The following GLRA2 variants were observed in gnomAD, a reference collection of about 807,000 sequenced individuals.
GLRA2 encodes glycine receptor alpha 2.
GLRA2 carries 11 observed loss-of-function variants against 31.6 expected under a neutral mutation model. The observed-to-expected ratio is 0.35, with a 90% CI of 0.22 to 0.58. The LOEUF is 0.58. Among genes scored for constraint, GLRA2 ranks in the 20% least tolerant of loss-of-function variants. GLRA2 has a pLI of 0.84. For missense variants in GLRA2, 212 were observed against 351.8 expected, an observed-to-expected ratio of 0.60 and a Z score of 3.18; for synonymous variants, 132 against 134.0, an observed-to-expected ratio of 0.99 and a Z score of 0.10.
chrX:14,572,399 C>T (rs1033374729), intron 2 of GLRA2, among the ~76,000 whole-genome samples: 2 of 111,808 alleles, frequency 1.8e-5, no homozygotes, highest in Non-Finnish European at 3.8e-5. Flanking sequence ...TGGATGATCT[C>T]GAAGGAAATA....
At chrX:14,673,993 G>A (rs1195416760) in intron 7 of GLRA2, among the ~76,000 whole-genome samples, 4 of 112,262 alleles carry the variant, frequency 3.6e-5, no homozygotes, top group East Asian at 2.8e-4. Flanking sequence ...CTGACTCATC[G>A]CCAGAGAGGG....
chrX:14,590,484 A>G (rs1208942508), intron 4 of GLRA2, among the ~76,000 whole-genome samples: 2 of 112,315 alleles, frequency 1.8e-5, no homozygotes, highest in African/African-American at 6.5e-5. Flanking sequence ...AACTTTAGTT[A>G]TATATTTTTT....
the GLRA2 span, among the ~76,000 whole-genome samples, chrX:14,500,487 C>T: frequency 8.9e-6 from 1 of 112,277 alleles, no homozygotes; most frequent in African/African-American, 3.2e-5. Context: ...CCTACCTCAC[C>T]CCTTTGTCTC....
intron 7 of GLRA2, among the ~76,000 whole-genome samples, chrX:14,676,165 C>A (rs1321300534): frequency 2.7e-5 from 3 of 112,347 alleles, no homozygotes; most frequent in African/African-American, 9.7e-5. Flanking sequence ...TTGTACTGTA[C>A]AGAAAACTAT....
chrX:14,463,897 A>G, the GLRA2 span, among the ~76,000 whole-genome samples: 66 of 111,531 alleles, frequency 5.9e-4, no homozygotes, highest in Middle Eastern at 9.1e-3. Flanking sequence ...ACCAGTCCCA[A>G]TGAGATGAAC....
the GLRA2 span, among the ~76,000 whole-genome samples, chrX:14,504,193 A>G: frequency 8.9e-6 from 1 of 112,303 alleles, no homozygotes; most frequent in Non-Finnish European, 1.9e-5. Flanking sequence ...CCTTCCAAAG[A>G]AACAAAAACA....
intron 8 of GLRA2, among the ~76,000 whole-genome samples, chrX:14,717,856 A>G (rs1294578447): frequency 1.8e-5 from 2 of 110,357 alleles, no homozygotes; most frequent in Non-Finnish European, 3.8e-5. Context: ...CCACTGATTT[A>G]TTGCTTTTAT....
At chrX:14,483,454 A>G in the GLRA2 span, among the ~76,000 whole-genome samples, 20 of 112,155 alleles carry the variant, frequency 1.8e-4, no homozygotes, top group Non-Finnish European at 3.4e-4. Flanking sequence ...GGGTTATAGT[A>G]AATATTAAAT....
At chrX:14,720,496 G>A (rs12395862) in intron 8 of GLRA2, among the ~76,000 whole-genome samples, 51,808 of 109,709 alleles carry the variant, frequency 0.47, 9,426 homozygotes, top group Non-Finnish European at 0.57. Flanking sequence ...ACATACAGAG[G>A]ATAACTGTTA....
chrX:14,646,105 G>T (rs112171112), intron 7 of GLRA2, among the ~76,000 whole-genome samples: 1 of 111,949 alleles, frequency 8.9e-6, no homozygotes, highest in African/African-American at 3.2e-5. Flanking sequence ...TTCTAAAAAC[G>T]ATTTCTACAT....
chrX:14,564,798 T>C (rs780821881), intron 2 of GLRA2, among the ~76,000 whole-genome samples: 2 of 112,021 alleles, frequency 1.8e-5, no homozygotes, highest in Non-Finnish European at 3.8e-5. Context: ...GGAGCTATCA[T>C]ATGTTATTGA....
At chrX:14,535,302 G>A (rs1031038463) in intron 2 of GLRA2, among the ~76,000 whole-genome samples, 2 of 112,308 alleles carry the variant, frequency 1.8e-5, no homozygotes, top group Admixed American at 9.4e-5. Flanking sequence ...TTATTGGAAA[G>A]AATTTTTCCT....
the GLRA2 span, among the ~76,000 whole-genome samples, chrX:14,510,911 T>G: frequency 2.3e-3 from 245 of 108,446 alleles, no homozygotes; most frequent in African/African-American, 7.4e-3. Context: ...AACACTTTGG[T>G]TTTTTTTTAT....
At chrX:14,596,386 G>A (rs967612058) in intron 4 of GLRA2, among the ~76,000 whole-genome samples, 6 of 111,032 alleles carry the variant, frequency 5.4e-5, no homozygotes, top group African/African-American at 2.0e-4. Flanking sequence ...ATTCTTGGTT[G>A]CCAGTGGACT....
intron 8 of GLRA2, among the ~76,000 whole-genome samples, chrX:14,708,901 A>C (rs201087356): frequency 1.8e-5 from 2 of 110,444 alleles, no homozygotes; most frequent in African/African-American, 3.3e-5. Flanking sequence ...GCGCCATTGC[A>C]CTCTAGTCTG....
intron 7 of GLRA2, among the ~76,000 whole-genome samples, chrX:14,667,665 T>C (rs1025872306): frequency 4.5e-5 from 5 of 111,483 alleles, no homozygotes; most frequent in Non-Finnish European, 9.4e-5. Flanking sequence ...TCCTCCCAGA[T>C]ACCTTGCTTA....
chrX:14,658,353 TAA>T (rs1251754691), intron 7 of GLRA2, among the ~76,000 whole-genome samples: 4 of 111,953 alleles, frequency 3.6e-5, no homozygotes, highest in Non-Finnish European at 7.5e-5. Flanking sequence ...TCCTATACTG[TAA>T]AATTAAATCG....
intron 4 of GLRA2, among the ~76,000 whole-genome samples, chrX:14,583,990 A>G (rs778149177): frequency 5.4e-5 from 6 of 111,168 alleles, no homozygotes; most frequent in East Asian, 5.7e-4. Flanking sequence ...ATAAGTGGGA[A>G]CTAAGCATTG....
chrX:14,597,390 A>G (rs761782141), intron 4 of GLRA2, among the ~76,000 whole-genome samples: 1 of 112,140 alleles, frequency 8.9e-6, no homozygotes, highest in Non-Finnish European at 1.9e-5. Context: ...ATTTACCTAT[A>G]AGAGGAAATC....
Sources: gnomAD v4.1 joint callset for allele counts (sites outside exome capture counted in the v4.1 genomes callset) on GRCh38, gnomAD v4.1.1 for gene constraint, MANE v1.5 for transcripts, NCBI Gene and HGNC (gene_info 2026-07-23, HGNC 2026-07-21) for gene names.